The following BLTP1 variants were observed in gnomAD, a reference collection of about 807,000 sequenced individuals.
BLTP1 encodes the protein bridge-like lipid transfer protein family member 1.
the BLTP1 span, chr4:122,208,063 T>A: frequency 1.0e-6 from 1 of 985,264 alleles, no homozygotes. Context: ...AGCTCAAAAT[T>A]TTATGGAACA....
the BLTP1 span, chr4:122,264,565 C>T: frequency 3.2e-6 from 2 of 616,246 alleles, no homozygotes; most frequent in Admixed American, 4.1e-5. Flanking sequence ...TCATGCAAAA[C>T]AGGAGGAGCC....
chr4:122,331,316 C>A, the BLTP1 span: 1 of 1,604,454 alleles, frequency 6.2e-7, no homozygotes, highest in Non-Finnish European at 8.5e-7. Context: ...ATCAATTGTT[C>A]TTTCTGTAGA....
chr4:122,289,179 A>G, the BLTP1 span: 7 of 1,607,448 alleles, frequency 4.4e-6, no homozygotes, highest in Admixed American at 3.3e-5. Context: ...ATGAAGTAAT[A>G]CAAAAAGTTT....
At chr4:122,197,254 C>A in the BLTP1 span, 1 of 1,479,074 alleles carries the variant, frequency 6.8e-7, no homozygotes, top group Non-Finnish European at 9.1e-7. Context: ...ATTAATATTC[C>A]AATGACAGTT....
the BLTP1 span, chr4:122,276,039 T>G: frequency 1.1e-5 from 18 of 1,570,888 alleles, no homozygotes; most frequent in African/African-American, 2.1e-4. Flanking sequence ...CATATTATTC[T>G]TTTTCATGGC....
At chr4:122,270,290 A>AG in the BLTP1 span, 3 of 923,906 alleles carry the variant, frequency 3.2e-6, no homozygotes, top group Non-Finnish European at 3.9e-6. Context: ...TTTTTGTTAC[A>AG]GAAAAAACTC....
At chr4:122,279,325 T>G in the BLTP1 span, among the ~76,000 whole-genome samples, 2 of 152,212 alleles carry the variant, frequency 1.3e-5, no homozygotes, top group African/African-American at 4.8e-5. Flanking sequence ...GGTTTGCCAC[T>G]GTGGGCTTCA....
At chr4:122,332,652 C>T in the BLTP1 span, among the ~76,000 whole-genome samples, 610 of 134,398 alleles carry the variant, frequency 4.5e-3, 9 homozygotes, top group Non-Finnish European at 4.7e-3. Context: ...TTATTATACT[C>T]TAAGTTTTAG....
chr4:122,198,065 G>T, the BLTP1 span: 8 of 985,054 alleles, frequency 8.1e-6, no homozygotes, highest in African/African-American at 1.4e-4. Flanking sequence ...TTGTTTCTTG[G>T]TTCTGTCACT....
the BLTP1 span, chr4:122,245,144 A>G: frequency 3.7e-5 from 59 of 1,606,732 alleles, no homozygotes; most frequent in East Asian, 1.3e-3. Context: ...AGAAAATGTA[A>G]GAACTTTTTA....
chr4:122,197,036 G>A, the BLTP1 span: 1 of 198,284 alleles, frequency 5.0e-6, no homozygotes, highest in African/African-American at 2.4e-5. Flanking sequence ...TGGCTAAATT[G>A]TTTTAGTGTA....
the BLTP1 span, chr4:122,257,554 C>G: frequency 6.8e-7 from 1 of 1,469,676 alleles, no homozygotes; most frequent in East Asian, 2.3e-5. Context: ...AGGGTGTTTT[C>G]TTACTCAACA....
the BLTP1 span, among the ~76,000 whole-genome samples, chr4:122,258,221 A>G: frequency 1.3e-5 from 2 of 152,240 alleles, no homozygotes; most frequent in Non-Finnish European, 2.9e-5. Context: ...TTTGAAAAAA[A>G]TATTGAAAGA....
chr4:122,164,526 C>G, the BLTP1 span: 1 of 569,826 alleles, frequency 1.8e-6, no homozygotes. Flanking sequence ...AAGAGGCTCA[C>G]AGTTTTGACT....
At chr4:122,280,297 C>A in the BLTP1 span, 1 of 506,960 alleles carries the variant, frequency 2.0e-6, no homozygotes, top group Non-Finnish European at 2.5e-6. Context: ...CCATGTCAAT[C>A]CTTGTTTACT....
At chr4:122,208,268 T>C in the BLTP1 span, 1 of 638,926 alleles carries the variant, frequency 1.6e-6, no homozygotes. Context: ...ATTTATACAT[T>C]AGGAAAGTGA....
At chr4:122,284,831 C>T in the BLTP1 span, among the ~76,000 whole-genome samples, 1 of 152,130 alleles carries the variant, frequency 6.6e-6, no homozygotes, top group African/African-American at 2.4e-5. Context: ...TAGGCAAAGA[C>T]ATATATACGG....
chr4:122,237,768 A>T, the BLTP1 span: 1 of 235,440 alleles, frequency 4.2e-6, no homozygotes, highest in Non-Finnish European at 6.9e-6. Context: ...GCGGATCACG[A>T]AGTCAAGAGA....
At chr4:122,162,103 A>G in the BLTP1 span, among the ~76,000 whole-genome samples, 1 of 152,204 alleles carries the variant, frequency 6.6e-6, no homozygotes, top group Non-Finnish European at 1.5e-5. Context: ...TGAATATTCT[A>G]ACTCTTAAAC....
Sources: gnomAD v4.1 joint callset for allele counts (sites outside exome capture counted in the v4.1 genomes callset) on GRCh38, gnomAD v4.1.1 for gene constraint, MANE v1.5 for transcripts, NCBI Gene and HGNC (gene_info 2026-07-23, HGNC 2026-07-21) for gene names.